The following KIF26B variants were observed in gnomAD, a reference collection of about 807,000 sequenced individuals.
KIF26B encodes the protein kinesin family member 26B.
KIF26B carries 63 observed loss-of-function variants against 151.2 expected under a neutral mutation model. That is an observed-to-expected ratio of 0.42 (90% confidence interval 0.34 to 0.51). The LOEUF is 0.51. Among genes scored for constraint, KIF26B ranks in the 20% least tolerant of loss-of-function variants. The probability of loss-of-function intolerance (pLI) is 0.07; values close to 1 mark genes in which losing one functional copy is unlikely to be tolerated. For synonymous variants in KIF26B, 1,357 were observed against 1,262.1 expected, an observed-to-expected ratio of 1.08 and a Z score of -1.59; for missense variants, 2,813 against 2,913.6, an observed-to-expected ratio of 0.97 and a Z score of 0.79.
intron 9 of KIF26B, among the ~76,000 whole-genome samples, chr1:245,643,073 C>T (rs1240315335): frequency 6.6e-6 from 1 of 152,156 alleles, no homozygotes; most frequent in Admixed American, 6.5e-5. Context: ...TACTGTTTGC[C>T]TTATCCACAC....
chr1:245,315,415 A>G (rs951462729), intron 2 of KIF26B, among the ~76,000 whole-genome samples: 3 of 151,158 alleles, frequency 2.0e-5, no homozygotes, highest in Admixed American at 6.6e-5. Flanking sequence ...ACAGAGTGAG[A>G]CCTTGTCTGT....
intron 2 of KIF26B, among the ~76,000 whole-genome samples, chr1:245,365,936 T>C (rs1672939016): frequency 2.6e-5 from 4 of 152,226 alleles, no homozygotes; most frequent in Admixed American, 2.0e-4. Context: ...TGTGTAATCC[T>C]AAAGCAAAGT....
chr1:245,505,594 A>G (rs930595972), intron 4 of KIF26B, among the ~76,000 whole-genome samples: 2 of 152,130 alleles, frequency 1.3e-5, no homozygotes, highest in Middle Eastern at 3.2e-3. Flanking sequence ...CGTGTTGGCC[A>G]GGCTGGTCTT....
intron 2 of KIF26B, among the ~76,000 whole-genome samples, chr1:245,169,328 G>GGTGTGTGTGTGTGTGTGTGT (rs58501579): frequency 3.7e-5 from 5 of 134,176 alleles, no homozygotes; most frequent in South Asian, 5.0e-4. Flanking sequence ...AACGGGCCAT[G>GGTGTGTGTGTGTGTGTGTGT]GTGTGTGTGT....
chr1:245,649,874 G>C (rs573522632), intron 10 of KIF26B, among the ~76,000 whole-genome samples: 3 of 152,336 alleles, frequency 2.0e-5, no homozygotes, highest in South Asian at 4.1e-4. Context: ...GCTGGAAAGT[G>C]AGTTTGGATT....
chr1:245,209,425 T>G (rs150444783), intron 2 of KIF26B, among the ~76,000 whole-genome samples: 213 of 148,848 alleles, frequency 1.4e-3, no homozygotes, highest in Non-Finnish European at 2.0e-3. Flanking sequence ...AGAAAAAAAA[T>G]AAAAAAAGAA....
intron 4 of KIF26B, among the ~76,000 whole-genome samples, chr1:245,535,663 A>C (rs1661473710): frequency 6.6e-6 from 1 of 152,194 alleles, no homozygotes; most frequent in South Asian, 2.1e-4. Flanking sequence ...TTTTGAGAGA[A>C]ATGTCGCTTA....
chr1:245,280,150 C>T (rs1055673491), intron 2 of KIF26B, among the ~76,000 whole-genome samples: 2 of 151,980 alleles, frequency 1.3e-5, no homozygotes, highest in South Asian at 2.1e-4. Flanking sequence ...AGCCAGGAGT[C>T]GTCACCCAGA....
chr1:245,440,967 C>G (rs911162676), intron 4 of KIF26B, among the ~76,000 whole-genome samples: 1 of 152,208 alleles, frequency 6.6e-6, no homozygotes, highest in Non-Finnish European at 1.5e-5. Flanking sequence ...GCATTTCACC[C>G]AAGCACCTGG....
At chr1:245,188,759 C>T (rs1197339476) in intron 2 of KIF26B, among the ~76,000 whole-genome samples, 29 of 152,208 alleles carry the variant, frequency 1.9e-4, no homozygotes, top group Admixed American at 1.8e-3. Flanking sequence ...AATATCTGTA[C>T]ACCCATGTTC....
intron 2 of KIF26B, among the ~76,000 whole-genome samples, chr1:245,168,434 T>A (rs1558331532): frequency 6.6e-6 from 1 of 152,220 alleles, no homozygotes; most frequent in Non-Finnish European, 1.5e-5. Context: ...GTCTAATGTG[T>A]TTCTAAGCAG....
chr1:245,592,377 T>C (rs565827868), intron 5 of KIF26B, among the ~76,000 whole-genome samples: 8 of 152,330 alleles, frequency 5.3e-5, no homozygotes, highest in South Asian at 2.1e-4. Context: ...CCAGGGCCCT[T>C]CCACCTTCGC....
In KIF26B at chr1:245,521,420, A is replaced by G. The variant is rs115210989; in HGVS notation, c.1167-19347A>G. ...ACCATCTTCCCTATAGATGATGAAG[A>G]GTCTGTTAATATAATCTGACAGGCT... On this transcript the variant is annotated intron_variant, in intron 4 of 14. Coordinates refer to ENST00000407071, the MANE Select transcript of KIF26B (RefSeq NM_018012.4). Among the ~76,000 whole-genome samples, 618 of 152,258 alleles carry G rather than the reference A, an allele frequency of 4.1e-3. 4 individuals carry two copies. The highest frequency in any genetic ancestry group is 6.1e-3 in the Non-Finnish European group (416 of 68,014).
At chr1:245,534,886 G>A (rs1661455457) in intron 4 of KIF26B, among the ~76,000 whole-genome samples, 1 of 151,330 alleles carries the variant, frequency 6.6e-6, no homozygotes, top group East Asian at 1.9e-4. Flanking sequence ...AGGTTCAAGC[G>A]ATTCTCCCAC....
In KIF26B at chr1:245,444,915, G is replaced by A. The variant is rs181739412; in HGVS notation, c.1166+25170G>A. On this transcript the variant is annotated intron_variant, in intron 4 of 14. Coordinates refer to ENST00000407071, the MANE Select transcript of KIF26B (RefSeq NM_018012.4). ...CCACGTGTAAAAAAAATTATATAGC[G>A]TATAAACCCATAGCAGCAACATTTT... Among the ~76,000 whole-genome samples the A allele has an allele frequency of 2.5e-3, 373 of 152,176 alleles. 4 individuals carry two copies. Among genetic ancestry groups the A allele is most frequent in the Middle Eastern group, 0.01 (3 of 294 alleles).
At chr1:245,583,134 CT>C (rs1165654525) in intron 5 of KIF26B, among the ~76,000 whole-genome samples, 1 of 152,140 alleles carries the variant, frequency 6.6e-6, no homozygotes, top group Non-Finnish European at 1.5e-5. Flanking sequence ...ATTTGTAGAG[CT>C]TTCTTTCTCT....
chr1:245,349,715 T>G (rs1290917480), intron 2 of KIF26B, among the ~76,000 whole-genome samples: 1 of 152,204 alleles, frequency 6.6e-6, no homozygotes, highest in African/African-American at 2.4e-5. Context: ...GGTTATACTA[T>G]TTGCAGAAAA....
At chr1:245,549,334 A>G (rs918507265) in intron 5 of KIF26B, among the ~76,000 whole-genome samples, 2 of 152,246 alleles carry the variant, frequency 1.3e-5, no homozygotes, top group African/African-American at 4.8e-5. Context: ...CACTGTCTCA[A>G]TTAACCAAAG....
At chr1:245,350,808 A>G (rs946866145) in intron 2 of KIF26B, among the ~76,000 whole-genome samples, 3 of 152,160 alleles carry the variant, frequency 2.0e-5, no homozygotes, top group Admixed American at 6.5e-5. Context: ...CTTTGAGACA[A>G]TTCCAAGATC....
Sources: allele counts gnomAD v4.1 joint callset (sites outside exome capture counted in the v4.1 genomes callset), GRCh38; gene constraint gnomAD v4.1.1; transcripts MANE v1.5; gene names NCBI Gene and HGNC (gene_info 2026-07-23, HGNC 2026-07-21).